ATP8A2: variants seen among roughly 807,000 people sequenced by gnomAD.
ATP8A2 encodes ATPase phospholipid transporting 8A2, also known as phospholipid-transporting ATPase IB.
A neutral mutation model predicts 165.6 loss-of-function variants in ATP8A2; 100 were observed. The observed-to-expected ratio is 0.60, with a 90% CI of 0.51 to 0.71. The LOEUF is 0.71. Ranked by LOEUF, ATP8A2 falls within the 30% of genes least tolerant of loss-of-function variation. The pLI is 0.00. For synonymous variants in ATP8A2, 543 were observed against 548.8 expected (o/e 0.99, Z 0.15); for missense variants, 1,227 against 1,479.5 (o/e 0.83, Z 2.80).
intron 24 of ATP8A2, among the ~76,000 whole-genome samples, chr13:25,656,776 G>A (rs2041938360): frequency 6.6e-6 from 1 of 151,092 alleles, no homozygotes; most frequent in African/African-American, 2.4e-5. Flanking sequence ...TCTTCAGCTG[G>A]GTGTGGTGGC....
rs1297017575 is a variant in ATP8A2, at chr13:25,379,519, T to C, written c.76+7231T>C. ...GATAATATATTTGGTTACTGCACCATGGGATCAGGCCTCTTATCAGCTATT... is the reference window on the plus strand; with the variant it reads ...GATAATATATTTGGTTACTGCACCACGGGATCAGGCCTCTTATCAGCTATT... On this transcript the variant is annotated intron_variant, in intron 1 of 36. Transcript: ENST00000381655. 2.0e-5 allele frequency among the ~76,000 whole-genome samples: 3 copies of C among 152,230 alleles called. No individual in the cohort carries two copies. In the East Asian group the frequency reaches 5.8e-4, roughly 29 times the overall value.
At chr13:25,900,596 G>A (rs1056990957) in intron 33 of ATP8A2, among the ~76,000 whole-genome samples, 5 of 152,140 alleles carry the variant, frequency 3.3e-5, no homozygotes, top group Non-Finnish European at 7.4e-5. Context: ...TTGGCTAAAG[G>A]TTAATAAGGA....
chr13:25,661,759 T>C (rs2042056011), intron 24 of ATP8A2, among the ~76,000 whole-genome samples: 1 of 152,198 alleles, frequency 6.6e-6, no homozygotes, highest in Admixed American at 6.5e-5. Flanking sequence ...GAAATCTGAT[T>C]CAGCACATTC....
chr13:25,383,024 G>C (rs1415545354), intron 1 of ATP8A2, among the ~76,000 whole-genome samples: 3 of 150,158 alleles, frequency 2.0e-5, no homozygotes, highest in Non-Finnish European at 3.0e-5. Context: ...CAAAGTGCTG[G>C]GATTACAGGT....
rs890029377 is a variant in ATP8A2 at position 25,779,418 on chromosome 13, C to T, written c.2679+4459C>T. Among the ~76,000 whole-genome samples, 4 of 150,496 alleles carry T rather than the reference C, an allele frequency of 2.7e-5. 1 individual carries two copies. The highest frequency in any genetic ancestry group is 2.4e-5 in the African/African-American group (1 of 40,864). On this transcript the variant is annotated intron_variant, in intron 27 of 36. Transcript: ENST00000381655. The stretch of plus-strand genomic sequence containing the variant: ...GGTTGGGGTGGGTGGGGCAGGGGGG[C>T]GGTGTGTATTCCCTGTGTGTCTGCA...
chr13:25,545,057 A>G (rs1025352303), intron 10 of ATP8A2, among the ~76,000 whole-genome samples: 2 of 151,890 alleles, frequency 1.3e-5, no homozygotes, highest in African/African-American at 4.8e-5. Flanking sequence ...GGGGTACTCA[A>G]GGGAGGCGTG....
At chr13:25,793,940 A>G (rs746830795) in intron 27 of ATP8A2, among the ~76,000 whole-genome samples, 6 of 152,226 alleles carry the variant, frequency 3.9e-5, no homozygotes, top group Non-Finnish European at 7.3e-5. Context: ...CCAGTTGCAC[A>G]TGACCAGAAG....
At chr13:25,820,986 A>G (rs1951166253) in intron 27 of ATP8A2, among the ~76,000 whole-genome samples, 1 of 151,908 alleles carries the variant, frequency 6.6e-6, no homozygotes, top group African/African-American at 2.4e-5. Flanking sequence ...AGTTTCGATG[A>G]AATAAACAGG....
chr13:25,551,333 T>C lies in ATP8A2; in HGVS notation c.892-5T>C. The C allele has an allele frequency of 6.2e-7, 1 of 1,612,572 alleles. No homozygotes were observed. Among genetic ancestry groups the C allele is most frequent in the Non-Finnish European group, 8.5e-7 (1 of 1,178,870 alleles). ...CCCTTACTGACTTTCAATGCTGTTG[T>C]GTAGAATTCAACCAAAGCGCCTCTC... On this transcript the variant is annotated splice_region_variant and splice_polypyrimidine_tract_variant and intron_variant, in intron 10 of 36. Coordinates refer to ENST00000381655, the MANE Select transcript of ATP8A2 (RefSeq NM_016529.6).
chr13:25,776,682 C>T (rs1369737641), intron 27 of ATP8A2, among the ~76,000 whole-genome samples: 1 of 152,126 alleles, frequency 6.6e-6, no homozygotes, highest in Non-Finnish European at 1.5e-5. Flanking sequence ...CAACGTCACT[C>T]AAGGTCATGG....
rs185432717 is a variant in ATP8A2, at chr13:25,891,402, A to G, written c.3183+28994A>G. ...CAATGGTGCGATCTCGGCTCACTGC[A>G]ACCTCCCCCTCCCAGGTTCAAGCAA... On this transcript the variant is annotated intron_variant, in intron 33 of 36. Coordinates refer to ENST00000381655, the MANE Select transcript of ATP8A2 (RefSeq NM_016529.6). 6.2e-4 allele frequency among the ~76,000 whole-genome samples: 94 copies of G among 152,092 alleles called. 1 individual carries two copies. Among genetic ancestry groups the G allele is most frequent in the African/African-American group, 2.2e-3 (92 of 41,474 alleles).
At chr13:25,900,897 C>A (rs936926624) in intron 33 of ATP8A2, among the ~76,000 whole-genome samples, 1 of 152,170 alleles carries the variant, frequency 6.6e-6, no homozygotes, top group South Asian at 2.1e-4. Flanking sequence ...ACGTCCACTG[C>A]GAATGCAGGT....
At chr13:25,740,443 G>C (rs764168253) in intron 25 of ATP8A2, among the ~76,000 whole-genome samples, 1 of 152,034 alleles carries the variant, frequency 6.6e-6, no homozygotes, top group African/African-American at 2.4e-5. Flanking sequence ...GGCAGAAAGC[G>C]ACATAACAAC....
chr13:25,997,472 A>T (rs1590426), intron 35 of ATP8A2, among the ~76,000 whole-genome samples: 37,118 of 152,044 alleles, frequency 0.24, 4,828 homozygotes, highest in Middle Eastern at 0.32. Context: ...TATATTGTTC[A>T]TCAAAATTGG....
chr13:25,534,740 A>G (rs961903597), intron 6 of ATP8A2, among the ~76,000 whole-genome samples: 3 of 152,224 alleles, frequency 2.0e-5, no homozygotes, highest in Non-Finnish European at 4.4e-5. Flanking sequence ...CAGAGATTGT[A>G]CTAGGCATGG....
intron 33 of ATP8A2, among the ~76,000 whole-genome samples, chr13:25,902,995 G>A (rs1044517884): frequency 3.4e-5 from 5 of 145,308 alleles, no homozygotes; most frequent in African/African-American, 1.3e-4. Flanking sequence ...GGCAGGGGTT[G>A]GGGCACAAAG....
At chr13:25,606,895 C>T (rs942547777) in intron 24 of ATP8A2, among the ~76,000 whole-genome samples, 6 of 152,122 alleles carry the variant, frequency 3.9e-5, no homozygotes, top group South Asian at 4.1e-4. Flanking sequence ...CTGTACAAGG[C>T]AGCAGAGTGT....
At chr13:25,693,865 T>G (rs2137881651) in intron 24 of ATP8A2, among the ~76,000 whole-genome samples, 1 of 151,946 alleles carries the variant, frequency 6.6e-6, no homozygotes, top group Non-Finnish European at 1.5e-5. Flanking sequence ...AATTTTTGGG[T>G]TTTTGTTGTT....
chr13:25,401,223 A>G (rs1406973940), intron 1 of ATP8A2, among the ~76,000 whole-genome samples: 1 of 152,172 alleles, frequency 6.6e-6, no homozygotes, highest in Non-Finnish European at 1.5e-5. Flanking sequence ...AATAGTGAGG[A>G]TAAAAGTGAA....
Sources: allele counts gnomAD v4.1 joint callset (sites outside exome capture counted in the v4.1 genomes callset), GRCh38; gene constraint gnomAD v4.1.1; transcripts MANE v1.5; gene names NCBI Gene and HGNC (gene_info 2026-07-23, HGNC 2026-07-21).